PICALM: variants seen among roughly 807,000 people sequenced by gnomAD.
PICALM encodes the protein phosphatidylinositol binding clathrin assembly protein.
A neutral mutation model predicts 80.5 loss-of-function variants in PICALM; 40 were observed. The ratio of observed to expected loss-of-function variants is 0.50; its 90% CI spans 0.39 to 0.65. The LOEUF (loss-of-function observed/expected upper bound fraction) is 0.65. PICALM is among the 30% of genes least tolerant of loss of function. The pLI is 0.00. For missense variants in PICALM, 676 were observed against 778.9 expected, an observed-to-expected ratio of 0.87 and a Z score of 1.57; for synonymous variants, 288 against 260.3, an observed-to-expected ratio of 1.11 and a Z score of -1.02.
chr11:85,999,278 T>C (rs375343899), intron 11 of PICALM, among the ~76,000 whole-genome samples: 1 of 151,972 alleles, frequency 6.6e-6, no homozygotes, highest in African/African-American at 2.4e-5. Flanking sequence ...ATTTAGTGCT[T>C]TGGGGAACAT....
rs76146911 is a variant in PICALM, at chr11:85,972,321, C to T, written c.1944+2387G>A. 6.0e-3 allele frequency among the ~76,000 whole-genome samples: 907 copies of T among 152,094 alleles called. 13 individuals are homozygous for T. The highest frequency in any genetic ancestry group is 0.021 in the African/African-American group (889 of 41,472). On this transcript the variant is annotated intron_variant, in intron 19 of 19. Transcript: ENST00000393346. ...TGCTGACGAAAGAAGATGGTGCTAC[C>T]GTATTGGCCAGTAAGGGCTCAGTAC...
intron 19 of PICALM, among the ~76,000 whole-genome samples, chr11:85,964,043 G>A (rs148768087): frequency 8.5e-4 from 126 of 148,348 alleles, no homozygotes; most frequent in Admixed American, 2.3e-3. Context: ...AAAGTCTATT[G>A]ATAGACTATC....
intron 1 of PICALM, among the ~76,000 whole-genome samples, chr11:86,056,729 T>C (rs1361044063): frequency 2.6e-5 from 4 of 152,214 alleles, no homozygotes; most frequent in East Asian, 1.9e-4. Context: ...TGAATGTTCA[T>C]AGCAGTACTA....
chr11:86,033,229 AAC>A (rs890132921), intron 1 of PICALM, among the ~76,000 whole-genome samples: 1 of 152,042 alleles, frequency 6.6e-6, no homozygotes, highest in Non-Finnish European at 1.5e-5. Context: ...TATACACACA[AAC>A]ACACACACAA....
Position 86,012,350 on chromosome 11 carries a change from A to G in PICALM, c.589T>C (p.Phe197Leu). 6.2e-7 allele frequency: 1 copy of G among 1,611,434 alleles called. No individual in the cohort carries two copies. The highest frequency in any genetic ancestry group is 8.5e-7 in the Non-Finnish European group (1 of 1,178,118). The part of the protein sequence containing the change: ...ELTNGVINAA[F>L]MLLFKDAIRL... ...ATGGCATCTTTGAACAGGAGCATGA[A>G]GGCAGCATTTATTACCCCATTTGTA... is the stretch of plus-strand genomic sequence containing the variant. Residue 197 changes from phenylalanine to leucine, a missense_variant, in exon 6 of 20, where the codon TTC becomes CTC. Transcript: ENST00000393346.
intron 12 of PICALM, among the ~76,000 whole-genome samples, chr11:85,996,357 T>C (rs1213636665): frequency 6.6e-6 from 1 of 152,110 alleles, no homozygotes; most frequent in Non-Finnish European, 1.5e-5. Flanking sequence ...GTCTTGACCA[T>C]AAAGCTGGTC....
rs796775962 is a variant in PICALM at position 86,016,387 on chromosome 11, C to T, written c.453-1424G>A. Reference sequence around the variant, plus strand: ...TTTAACCTTTCAGCTGCTTTGGTCACATATCCCTGTGGTAAAAACTATTTG... The same window carrying T: ...TTTAACCTTTCAGCTGCTTTGGTCATATATCCCTGTGGTAAAAACTATTTG... On this transcript the variant is annotated intron_variant, in intron 4 of 19. Coordinates refer to ENST00000393346, the MANE Select transcript of PICALM (RefSeq NM_007166.4). Among the ~76,000 whole-genome samples the T allele has an allele frequency of 3.8e-4, 58 of 152,312 alleles. 1 individual carries two copies. The highest frequency in any genetic ancestry group is 1.2e-3 in the African/African-American group (51 of 41,560).
intron 8 of PICALM, among the ~76,000 whole-genome samples, chr11:86,006,055 T>G (rs1050272168): frequency 1.3e-5 from 2 of 152,206 alleles, no homozygotes; most frequent in Non-Finnish European, 2.9e-5. Context: ...GGACAATGAT[T>G]TTTAAATAAA....
In PICALM at chr11:86,031,728, G is replaced by T. The variant is rs985306785; in HGVS notation, c.131-117C>A. On this transcript the variant is annotated intron_variant, in intron 1 of 19. Transcript: ENST00000393346. ...ACACAAAGTGGAGCAGTAATAGTTTGGAGATGTTGTTAAAAATCTCTCAAT... is the reference window on the plus strand; with the variant it reads ...ACACAAAGTGGAGCAGTAATAGTTTTGAGATGTTGTTAAAAATCTCTCAAT... 18 of 693,654 alleles carry T rather than the reference G, an allele frequency of 2.6e-5. No individual in the cohort carries two copies. In the Admixed American group the frequency reaches 5.3e-4, roughly 20 times the overall value. 43.0% of individuals were successfully genotyped at this position (693,654 alleles called of 1,614,324 possible). A position where few individuals can be genotyped will look rare whatever the true frequency, so the allele number is the denominator to read the frequency against.
At chr11:86,019,142 T>C (rs2095526850) in intron 4 of PICALM, among the ~76,000 whole-genome samples, 1 of 152,098 alleles carries the variant, frequency 6.6e-6, no homozygotes, top group Non-Finnish European at 1.5e-5. Context: ...TAAAAAAAAA[T>C]CTTAATAAAT....
intron 7 of PICALM, among the ~76,000 whole-genome samples, chr11:86,009,192 C>T (rs1344068985): frequency 2.1e-5 from 3 of 139,612 alleles, no homozygotes; most frequent in African/African-American, 8.2e-5. Context: ...ACCCAGGAAG[C>T]TGAGGCAGGA....
At chr11:86,000,530 T>G in intron 11 of PICALM, 113 bp downstream of exon 11, 1 of 739,402 alleles carries the variant, frequency 1.4e-6, no homozygotes, top group Non-Finnish European at 2.2e-6. Flanking sequence ...CACCTCTTTG[T>G]GTGAATAGAT....
At chr11:85,983,834 A>G (rs1169348623) in intron 14 of PICALM, 32 bp downstream of exon 14, 4 of 864,540 alleles carry the variant, frequency 4.6e-6, no homozygotes, top group East Asian at 2.7e-5. Context: ...TTAGGACATT[A>G]TAATATTTTT....
intron 1 of PICALM, among the ~76,000 whole-genome samples, chr11:86,050,195 ACT>A (rs1307401537): frequency 2.6e-4 from 31 of 120,666 alleles, no homozygotes; most frequent in African/African-American, 1.0e-3. Context: ...ACAGAGCAAG[ACT>A]CTGTCTCAAA....
Position 85,981,914 on chromosome 11 carries a change from C to T in PICALM, c.1606G>A (p.Val536Ile). The change falls in exon 15 of 20, where the codon GTA (valine) becomes ATA (isoleucine). Residue 536 changes from valine (V) to isoleucine (I), a missense_variant. This residue lies in a region of PICALM where 391 missense variants were observed against 383.6 expected (regional missense o/e 1.02). Coordinates refer to ENST00000393346, the MANE Select transcript of PICALM (RefSeq NM_007166.4). ...PVAKLPPSKL[V>I]SDDLDSSLAN... ...AAAGATGAATCCAAGTCATCAGATA[C>T]TAACTTGCTAGGTGGGAGTTTGGCA... 1 of 1,613,674 alleles carries T rather than the reference C, an allele frequency of 6.2e-7. No homozygotes were observed. Among genetic ancestry groups the T allele is most frequent in the Non-Finnish European group, 8.5e-7 (1 of 1,179,550 alleles).
At chr11:85,983,501 T>G (rs776542814) in intron 14 of PICALM, among the ~76,000 whole-genome samples, 1 of 152,194 alleles carries the variant, frequency 6.6e-6, no homozygotes, top group African/African-American at 2.4e-5. Flanking sequence ...CATAGCCAAT[T>G]TCATACATTA....
chr11:86,068,970 G>T lies in PICALM; in HGVS notation c.-190C>A, dbSNP rs1400154333. 1.5e-6 allele frequency: 1 copy of T among 679,638 alleles called. No homozygotes were observed. Among genetic ancestry groups the T allele is most frequent in the East Asian group, 3.0e-5 (1 of 33,702 alleles). 42.1% of individuals were successfully genotyped at this position (679,638 alleles called of 1,614,324 possible). Reference sequence around the variant, plus strand: ...GAGAGAACCGGCTCGTGTCACCCGCGGAGTCGGACAAGATGTCGGGCACTC... The same window carrying T: ...GAGAGAACCGGCTCGTGTCACCCGCTGAGTCGGACAAGATGTCGGGCACTC... On this transcript the variant is annotated 5_prime_UTR_variant, in exon 1 of 20. Coordinates refer to ENST00000393346, the MANE Select transcript of PICALM (RefSeq NM_007166.4).
chr11:85,989,748 G>A (rs1235560505), intron 13 of PICALM, among the ~76,000 whole-genome samples: 1 of 151,888 alleles, frequency 6.6e-6, no homozygotes, highest in Non-Finnish European at 1.5e-5. Context: ...TTCAGAATGG[G>A]ATAAAAGATA....
intron 4 of PICALM, among the ~76,000 whole-genome samples, chr11:86,019,167 T>A (rs1048709804): frequency 6.6e-6 from 1 of 152,184 alleles, no homozygotes. Context: ...CTTTACTACT[T>A]ACAATGAGAG....
Sources: gnomAD v4.1 joint callset for allele counts (sites outside exome capture counted in the v4.1 genomes callset) on GRCh38, gnomAD v4.1.1 for gene constraint, gnomAD v4.1.1 regional missense constraint, MANE v1.5 for transcripts, NCBI Gene and HGNC (gene_info 2026-07-23, HGNC 2026-07-21) for gene names.